Variants in WWOX observed in about 807,000 individuals in gnomAD.
WWOX encodes the protein WW domain containing oxidoreductase.
A neutral mutation model predicts 46.2 loss-of-function variants in WWOX; 69 were observed. The ratio of observed to expected loss-of-function variants is 1.49; its 90% CI spans 1.23 to 1.82. WWOX has a LOEUF of 1.82. Among genes scored for constraint, WWOX ranks in the 40% most tolerant of loss-of-function variants. The pLI, the probability that WWOX is intolerant of heterozygous loss-of-function variation, is 0.00. For missense variants in WWOX, 919 were observed against 542.6 expected (o/e 1.69, Z -6.89); for synonymous variants, 359 against 202.6 (o/e 1.77, Z -6.56).
chr16:78,408,414 C>A (rs1181306699), intron 6 of WWOX, among the ~76,000 whole-genome samples: 1 of 152,144 alleles, frequency 6.6e-6, no homozygotes, highest in Admixed American at 6.5e-5. Flanking sequence ...GGTAGGGGAA[C>A]CACCCCCACC....
chr16:78,789,914 A>C (rs2050551474), intron 8 of WWOX, among the ~76,000 whole-genome samples: 2 of 152,104 alleles, frequency 1.3e-5, no homozygotes, highest in African/African-American at 4.8e-5. Context: ...CTTAAACTCC[A>C]ATTCTGCCAC....
chr16:78,930,202 G>T (rs1303757013), intron 8 of WWOX, among the ~76,000 whole-genome samples: 1 of 135,826 alleles, frequency 7.4e-6, no homozygotes, highest in African/African-American at 2.8e-5. Context: ...AGAGCCTGGG[G>T]TGGATTATTT....
intron 8 of WWOX, among the ~76,000 whole-genome samples, chr16:78,805,803 T>A (rs932195001): frequency 6.6e-6 from 1 of 152,218 alleles, no homozygotes; most frequent in Non-Finnish European, 1.5e-5. Context: ...TGTTTCTGTT[T>A]TCAGTTCCTC....
chr16:78,312,487 G>C (rs1451756187), intron 5 of WWOX, among the ~76,000 whole-genome samples: 2 of 150,758 alleles, frequency 1.3e-5, no homozygotes, highest in Non-Finnish European at 1.5e-5. Flanking sequence ...AAGCAGTTCT[G>C]CCTCAGCCTC....
intron 8 of WWOX, among the ~76,000 whole-genome samples, chr16:78,814,032 C>G (rs2051266226): frequency 1.3e-5 from 2 of 152,168 alleles, no homozygotes; most frequent in Admixed American, 1.3e-4. Context: ...GTTTTCTTTT[C>G]TTTCCTTGCT....
chr16:78,567,574 AAG>A (rs988539692), intron 8 of WWOX, among the ~76,000 whole-genome samples: 8 of 150,472 alleles, frequency 5.3e-5, no homozygotes, highest in African/African-American at 1.7e-4. Flanking sequence ...AAAAAAAAAA[AAG>A]AAGTGAGTTT....
chr16:78,604,125 C>T (rs1474644299), intron 8 of WWOX, among the ~76,000 whole-genome samples: 1 of 151,970 alleles, frequency 6.6e-6, no homozygotes, highest in Non-Finnish European at 1.5e-5. Flanking sequence ...GCCTGGGTGA[C>T]CGAGACCTTG....
At chr16:78,855,640 C>T (rs921042627) in intron 8 of WWOX, among the ~76,000 whole-genome samples, 2 of 152,206 alleles carry the variant, frequency 1.3e-5, no homozygotes, top group East Asian at 3.8e-4. Context: ...GGGAAGACAA[C>T]CTGTCTTCTC....
chr16:78,843,964 T>C (rs1053523219), intron 8 of WWOX, among the ~76,000 whole-genome samples: 7 of 152,098 alleles, frequency 4.6e-5, no homozygotes, highest in Non-Finnish European at 7.4e-5. Flanking sequence ...TTCCTAATTA[T>C]GTGTAATTAG....
intron 8 of WWOX, chr16:78,872,852 TA>T (rs2044156745): frequency 1.3e-5 from 2 of 152,320 alleles, no homozygotes; most frequent in African/African-American, 4.8e-5. Flanking sequence ...GGCTGGAGTG[TA>T]GTGGTGTGAT....
In WWOX at chr16:78,557,689, A is replaced by ATTTT. The variant is rs34068363; in HGVS notation, c.1056+124957_1056+124960dup. On this transcript the variant is annotated intron_variant, in intron 8 of 8. Transcript: ENST00000566780. ...CATAAGTGCATTCCTCTAGGGAAGG[A>ATTTT]TTTTTTTTTTTTTTTTTTTTTTTGA... 1.3e-3 allele frequency among the ~76,000 whole-genome samples: 125 copies of ATTTT among 96,620 alleles called. 11 individuals carry two copies. Among genetic ancestry groups the ATTTT allele is most frequent in the African/African-American group, 5.6e-3 (108 of 19,192 alleles). The allele number at this position is 96,620 out of a possible 152,430, so 63.4% of individuals were successfully genotyped here.
intron 8 of WWOX, among the ~76,000 whole-genome samples, chr16:79,159,087 G>C (rs549936881): frequency 6.6e-6 from 1 of 152,312 alleles, no homozygotes; most frequent in East Asian, 1.9e-4. Flanking sequence ...AGGCTTCTGG[G>C]CTTGGTGTTT....
At chr16:78,449,990 T>G (rs906676450) in intron 8 of WWOX, among the ~76,000 whole-genome samples, 1 of 152,006 alleles carries the variant, frequency 6.6e-6, no homozygotes, top group Non-Finnish European at 1.5e-5. Context: ...TCCTAGGATT[T>G]GTTGTTGTTT....
chr16:78,683,668 C>T (rs1226261552), intron 8 of WWOX, among the ~76,000 whole-genome samples: 2 of 152,136 alleles, frequency 1.3e-5, no homozygotes, highest in Non-Finnish European at 2.9e-5. Flanking sequence ...TCCCAAAGTG[C>T]TGGGATTACA....
intron 8 of WWOX, among the ~76,000 whole-genome samples, chr16:78,619,795 G>A (rs1232395277): frequency 1.3e-5 from 2 of 152,034 alleles, no homozygotes; most frequent in African/African-American, 2.4e-5. Context: ...TGTGGTCCCA[G>A]CTACTCAGGA....
At chr16:78,157,258 C>T (rs1467810440) in intron 4 of WWOX, among the ~76,000 whole-genome samples, 3 of 152,164 alleles carry the variant, frequency 2.0e-5, no homozygotes, top group African/African-American at 7.2e-5. Context: ...TGGCTGTTGG[C>T]ATCTCATTAG....
intron 5 of WWOX, among the ~76,000 whole-genome samples, chr16:78,201,554 A>G (rs1367330770): frequency 6.6e-6 from 1 of 152,128 alleles, no homozygotes; most frequent in Non-Finnish European, 1.5e-5. Flanking sequence ...CCCTTCTGGA[A>G]GAGAGTCCTA....
chr16:79,073,804 C>T (rs2048597244), intron 8 of WWOX, among the ~76,000 whole-genome samples: 3 of 152,122 alleles, frequency 2.0e-5, no homozygotes, highest in Admixed American at 2.0e-4. Flanking sequence ...AAGTTGAGAG[C>T]TTGAGAGTCA....
At chr16:78,495,672 C>G (rs537852005) in intron 8 of WWOX, among the ~76,000 whole-genome samples, 10 of 151,802 alleles carry the variant, frequency 6.6e-5, no homozygotes, top group Non-Finnish European at 1.3e-4. Context: ...CGGCACCTGG[C>G]TAATTTTTGT....
Sources: allele counts gnomAD v4.1 joint callset (sites outside exome capture counted in the v4.1 genomes callset), GRCh38; gene constraint gnomAD v4.1.1; transcripts MANE v1.5; gene names NCBI Gene and HGNC (gene_info 2026-07-23, HGNC 2026-07-21).